CDC42BPA: variants seen among roughly 807,000 people sequenced by gnomAD.
CDC42BPA encodes the protein CDC42 binding protein kinase alpha.
CDC42BPA carries 80 observed loss-of-function variants against 223.5 expected under a neutral mutation model. The ratio of observed to expected loss-of-function variants is 0.36; its 90% CI spans 0.30 to 0.43. CDC42BPA has a LOEUF of 0.43. CDC42BPA is among the 20% of genes least tolerant of loss of function. CDC42BPA has a pLI of 1.00. For missense variants in CDC42BPA, 1,743 were observed against 2,099.9 expected, an observed-to-expected ratio of 0.83 and a Z score of 3.32; for synonymous variants, 694 against 718.6, an observed-to-expected ratio of 0.97 and a Z score of 0.55.
At chr1:227,211,580 A>G (rs1176807325) in intron 3 of CDC42BPA, among the ~76,000 whole-genome samples, 3 of 152,178 alleles carry the variant, frequency 2.0e-5, no homozygotes, top group Admixed American at 6.5e-5. Flanking sequence ...ATGTGTGTAC[A>G]TATACACATA....
intron 9 of CDC42BPA, among the ~76,000 whole-genome samples, chr1:227,140,677 T>C (rs1029857610): frequency 6.6e-6 from 1 of 151,626 alleles, no homozygotes; most frequent in African/African-American, 2.4e-5. Context: ...GCCACTGGAG[T>C]TGGGGATGGG....
chr1:227,168,556 T>C (rs1343637309), intron 5 of CDC42BPA, among the ~76,000 whole-genome samples: 2 of 133,760 alleles, frequency 1.5e-5, no homozygotes, highest in Admixed American at 8.7e-5. Flanking sequence ...AGTGCAATGG[T>C]GCGATCTCCG....
intron 32 of CDC42BPA, among the ~76,000 whole-genome samples, chr1:227,021,715 A>C (rs980047442): frequency 6.6e-6 from 1 of 152,116 alleles, no homozygotes; most frequent in African/African-American, 2.4e-5. Context: ...GGTGGGAGAA[A>C]ACCATTAAGA....
chr1:227,317,174 T>G lies in CDC42BPA; in HGVS notation c.9A>C (p.Gly3=). 6.2e-7 allele frequency: 1 copy of G among 1,607,236 alleles called. No individual in the cohort carries two copies. Among genetic ancestry groups the G allele is most frequent in the South Asian group, 1.1e-5 (1 of 89,068 alleles). Reference sequence around the variant, plus strand: ...GCTCCAACTGCCTCAAACGCACTTCTCCAGACATGTTTGCTTCGATTTCTG... The same window carrying G: ...GCTCCAACTGCCTCAAACGCACTTCGCCAGACATGTTTGCTTCGATTTCTG... MS[G]EVRLRQLEQF... is the part of the protein sequence containing the mutation. The change falls in exon 1 of 37, where the codon GGA becomes GGC. Residue 3 remains glycine, a synonymous_variant. Coordinates refer to ENST00000366766, the MANE Select transcript of CDC42BPA (RefSeq NM_001394014.1).
At chr1:227,316,121 A>T (rs979958144) in intron 1 of CDC42BPA, among the ~76,000 whole-genome samples, 2 of 152,224 alleles carry the variant, frequency 1.3e-5, no homozygotes, top group Admixed American at 6.5e-5. Context: ...ATCCTTCAAA[A>T]GCCAACGTAC....
intron 5 of CDC42BPA, among the ~76,000 whole-genome samples, chr1:227,177,447 A>G (rs1667162261): frequency 6.6e-6 from 1 of 152,124 alleles, no homozygotes; most frequent in Admixed American, 6.5e-5. Context: ...CGTGGTCTTG[A>G]TGAGAAATCT....
intron 5 of CDC42BPA, among the ~76,000 whole-genome samples, chr1:227,168,740 A>G (rs1422737287): frequency 6.6e-6 from 1 of 151,834 alleles, no homozygotes; most frequent in Non-Finnish European, 1.5e-5. Context: ...CTCGTGATCC[A>G]TCCGCCTCGG....
In CDC42BPA at chr1:227,032,075, A is replaced by G. The variant is rs565895650; in HGVS notation, c.3559-561T>C. 4.6e-3 allele frequency among the ~76,000 whole-genome samples: 705 copies of G among 152,340 alleles called. 5 individuals carry two copies. The highest frequency in any genetic ancestry group is 0.016 in the African/African-American group (676 of 41,576). On this transcript the variant is annotated intron_variant, in intron 27 of 36. Coordinates refer to ENST00000366766, the MANE Select transcript of CDC42BPA (RefSeq NM_001394014.1). Reference sequence around the variant, plus strand: ...GTTTTAAGGTCAGAAGTGCTCAGAAATATATTCTCTGTTACTTCACAACAA... The same window carrying G: ...GTTTTAAGGTCAGAAGTGCTCAGAAGTATATTCTCTGTTACTTCACAACAA...
At chr1:227,244,494 T>TGGGG (rs35903393) in intron 2 of CDC42BPA, among the ~76,000 whole-genome samples, 66 of 149,798 alleles carry the variant, frequency 4.4e-4, no homozygotes, top group African/African-American at 1.6e-3. Flanking sequence ...ATTCACATGG[T>TGGGG]GGGGGGGGGC....
intron 1 of CDC42BPA, among the ~76,000 whole-genome samples, chr1:227,276,410 G>A (rs536287919): frequency 6.6e-6 from 1 of 151,982 alleles, no homozygotes; most frequent in Non-Finnish European, 1.5e-5. Context: ...GGGAAGTGAG[G>A]AGCGTCTCCG....
At chr1:227,097,655 A>C (rs2149284564) in intron 15 of CDC42BPA, among the ~76,000 whole-genome samples, 1 of 152,338 alleles carries the variant, frequency 6.6e-6, no homozygotes, top group South Asian at 2.1e-4. Flanking sequence ...GAGTTAGGCA[A>C]GTGGGCTCAA....
At chr1:227,128,158 C>CT (rs1192336907) in intron 11 of CDC42BPA, among the ~76,000 whole-genome samples, 2 of 152,146 alleles carry the variant, frequency 1.3e-5, no homozygotes, top group African/African-American at 4.8e-5. Context: ...ATCCAGTACT[C>CT]TCTGTTTTAC....
Position 227,033,409 on chromosome 1 carries a change from T to G in CDC42BPA, c.3483A>C (p.Glu1161Asp). 1 of 1,612,580 alleles carries G rather than the reference T, an allele frequency of 6.2e-7. No homozygotes were observed. Among genetic ancestry groups the G allele is most frequent in the Non-Finnish European group, 8.5e-7 (1 of 1,178,652 alleles). Residue 1161 changes from glutamate to aspartate, a missense_variant, in exon 27 of 37, where the codon GAA (glutamate) becomes GAC (aspartate). Physicochemically the swap from Glu to Asp is conservative, Grantham distance 45. Coordinates refer to ENST00000366766, the MANE Select transcript of CDC42BPA (RefSeq NM_001394014.1). ...VISQVIDMRD[E>D]EFSVSSVLAS... ...CCAAGACTGAACTCACAGAAAATTC[T>G]TCATCCCTGAACGAAAAGCAAAGCA...
chr1:227,230,794 G>A (rs1040530872), intron 2 of CDC42BPA, among the ~76,000 whole-genome samples: 1 of 136,710 alleles, frequency 7.3e-6, no homozygotes, highest in African/African-American at 2.7e-5. Flanking sequence ...CCTGCTAACT[G>A]ATTTCTATTT....
chr1:227,010,424 G>T (rs1045359441), intron 34 of CDC42BPA, among the ~76,000 whole-genome samples: 1 of 152,026 alleles, frequency 6.6e-6, no homozygotes, highest in African/African-American at 2.4e-5. Flanking sequence ...GTTTATTGTA[G>T]ATAGGTCTGT....
At chr1:227,139,538 C>T in intron 10 of CDC42BPA, 38 bp downstream of exon 10, 1 of 1,341,616 alleles carries the variant, frequency 7.5e-7, no homozygotes, top group South Asian at 1.5e-5. Context: ...ACTGTGAGTA[C>T]AATTCAAAAA....
At chr1:227,086,769 T>TAA (rs1346418944) in intron 16 of CDC42BPA, among the ~76,000 whole-genome samples, 5 of 150,856 alleles carry the variant, frequency 3.3e-5, no homozygotes, top group African/African-American at 1.2e-4. Context: ...TGGACTCACA[T>TAA]AAATCCTCCC....
At chr1:227,262,856 C>CA (rs1366340360) in intron 1 of CDC42BPA, among the ~76,000 whole-genome samples, 3 of 152,178 alleles carry the variant, frequency 2.0e-5, no homozygotes, top group Admixed American at 1.3e-4. Context: ...AACACATTCC[C>CA]ATTACTGCAA....
At chr1:227,183,212 A>G (rs1157833905) in intron 5 of CDC42BPA, 1 of 152,214 alleles carries the variant, frequency 6.6e-6, no homozygotes, top group African/African-American at 2.4e-5. Flanking sequence ...ATGTGTGTAC[A>G]TGTATAGTTC....
Sources: allele counts gnomAD v4.1 joint callset (sites outside exome capture counted in the v4.1 genomes callset), GRCh38; gene constraint gnomAD v4.1.1; transcripts MANE v1.5; gene names NCBI Gene and HGNC (gene_info 2026-07-23, HGNC 2026-07-21).